PCDHB9: variants seen among roughly 807,000 people sequenced by gnomAD.
PCDHB9 encodes the protein protocadherin beta-9.
For missense variants in PCDHB9, 1,072 were observed against 995.1 expected (o/e 1.08, Z -1.04); for synonymous variants, 501 against 439.7 (o/e 1.14, Z -1.75).
rs782329349 is a variant in PCDHB9 at position 141,187,792 on chromosome 5, G to A, written c.474G>A (p.Gln158=). ...CAGCATTTAGACTAGAAAGAGCACA[G>A]GATCCAGATGAAGGTCATAACAGTA... ...EGTAFRLERA[Q]DPDEGHNSIQ... The change falls in exon 1 of 1, where the codon CAG becomes CAA. Residue 158 remains glutamine (Q), a synonymous_variant. Transcript: ENST00000316105. 2.1e-5 allele frequency: 34 copies of A among 1,614,030 alleles called. No individual in the cohort carries two copies. The highest frequency in any genetic ancestry group is 3.3e-4 in the Middle Eastern group (2 of 6,084).
chr5:141,188,889 T>G lies in PCDHB9; in HGVS notation c.1571T>G (p.Leu524Arg). The part of the protein sequence containing the change: ...FALRSLDYEA[L>R]QAFDFRVGAS... The stretch of plus-strand genomic sequence containing the variant: ...CTCAGGTCGCTGGACTACGAGGCCC[T>G]GCAGGCTTTCGACTTCCGCGTGGGC... Residue 524 changes from leucine (L) to arginine (R), a missense_variant, in exon 1 of 1, where the codon CTG (leucine) becomes CGG (arginine). Transcript: ENST00000316105. 1 of 1,612,592 alleles carries G rather than the reference T, an allele frequency of 6.2e-7. No homozygotes were observed. The highest frequency in any genetic ancestry group is 8.5e-7 in the Non-Finnish European group (1 of 1,179,914).
At position 141,189,502 on chromosome 5, in the gene PCDHB9, C is replaced by T; in HGVS notation, c.2184C>T (p.Pro728=). Residue 728 remains proline (P), a synonymous_variant, in exon 1 of 1, where the codon CCC becomes CCT. Transcript: ENST00000316105. ...CCTCGGTGGGTCGCTGCTCGGTGCC[C>T]GAGGGTCCTTTTCCAGGGCATCTGG... ...RAASVGRCSV[P]EGPFPGHLVD... 2 of 1,613,468 alleles carry T rather than the reference C, an allele frequency of 1.2e-6. No individual in the cohort carries two copies. The highest frequency in any genetic ancestry group is 2.2e-5 in the East Asian group (1 of 44,822).
rs782625963 is a variant in PCDHB9 at position 141,188,438 on chromosome 5, G to C, written c.1120G>C (p.Asp374His). 3.7e-6 allele frequency: 6 copies of C among 1,614,142 alleles called. No individual in the cohort carries two copies. The East Asian group carries it at 1.3e-4, about 36-fold the overall frequency. The change falls in exon 1 of 1, where the codon GAC becomes CAC. Residue 374 changes from aspartate to histidine, a missense_variant. Transcript: ENST00000316105. The stretch of plus-strand genomic sequence containing the variant: ...GGCTGTTTTTAAGATTAAAGACAGA[G>C]ACTCCGGAGAAAATGGAAAGACAAT... ...VLAVFKIKDRDSGENGKTICY... is the reference protein window; with the variant it reads ...VLAVFKIKDRHSGENGKTICY...
Position 141,188,461 on chromosome 5 carries a change from A to G in PCDHB9, c.1143A>G (p.Thr381=), listed in dbSNP as rs1282594806. ...KDRDSGENGK[T]ICYVQDNLPF... is the part of the protein sequence containing the mutation. ...GAGACTCCGGAGAAAATGGAAAGAC[A>G]ATTTGCTATGTTCAAGATAATCTGC... Residue 381 remains threonine, a synonymous_variant, in exon 1 of 1, where the codon ACA becomes ACG. Transcript: ENST00000316105. 28 of 1,614,006 alleles carry G rather than the reference A, an allele frequency of 1.7e-5. No homozygotes were observed. The highest frequency in any genetic ancestry group is 2.4e-5 in the Non-Finnish European group (28 of 1,180,016).
rs1196124640 is a variant in PCDHB9, at chr5:141,191,340, T to C, written c.*1628T>C. On this transcript the variant is annotated 3_prime_UTR_variant, in exon 1 of 1. Transcript: ENST00000316105. ...AAAGACACTAGAATGCTGTTCTTAA[T>C]TTTAATAGTGTTAAGATAGGTGTTA... 1 of 152,184 alleles carries C rather than the reference T, an allele frequency of 6.6e-6. No homozygotes were observed. Among genetic ancestry groups the C allele is most frequent in the Middle Eastern group, 3.2e-3 (1 of 316 alleles). 9.4% of individuals were successfully genotyped at this position (152,184 alleles called of 1,614,324 possible). A position where few individuals can be genotyped will look rare whatever the true frequency, so the allele number is the denominator to read the frequency against.
chr5:141,187,965 A>T lies in PCDHB9; in HGVS notation c.647A>T (p.Asp216Val), dbSNP rs1554282881. Reference sequence around the variant, plus strand: ...CTCAGCTTAACCCTCACAGCGCTGGATGGTGGGTCTCCATCCAGGTCTGGG... The same window carrying T: ...CTCAGCTTAACCCTCACAGCGCTGGTTGGTGGGTCTCCATCCAGGTCTGGG... Reference protein sequence around the residue: ...EELSLTLTALDGGSPSRSGTS... With the variant: ...EELSLTLTALVGGSPSRSGTS... The change falls in exon 1 of 1, where the codon GAT (aspartate) becomes GTT (valine). Residue 216 changes from aspartate to valine, a missense_variant. By Grantham distance (152) the Asp-to-Val change is radical. Transcript: ENST00000316105. The T allele has an allele frequency of 6.2e-7, 1 of 1,613,890 alleles. No homozygotes were observed. The highest frequency in any genetic ancestry group is 2.2e-5 in the East Asian group (1 of 44,868).
Position 141,189,155 on chromosome 5 carries a change from G to T in PCDHB9, c.1837G>T (p.Gly613Trp). Residue 613 changes from glycine (G) to tryptophan (W), a missense_variant, in exon 1 of 1, where the codon GGG becomes TGG. By Grantham distance (184) the Gly-to-Trp change is radical (BLOSUM62 -2). Coordinates refer to ENST00000316105, the MANE Select transcript of PCDHB9 (RefSeq NM_019119.5). ...CCAGCTGCTCAAGGCCACGGAGCCC[G>T]GGCTGTTCGGTGTGTGGGCGCACAA... ...SYQLLKATEP[G>W]LFGVWAHNGE... 2 of 1,601,436 alleles carry T rather than the reference G, an allele frequency of 1.2e-6. No homozygotes were observed. Among genetic ancestry groups the T allele is most frequent in the South Asian group, 1.1e-5 (1 of 90,900 alleles).
Position 141,188,428 on chromosome 5 carries a change from TAAAGACAGAGACTCCGGAGAAAATGG to T in PCDHB9, c.1118_1143del (p.Arg373AsnfsTer7). On this transcript the variant is annotated frameshift_variant, in exon 1 of 1. Transcript: ENST00000316105. LOFTEE classifies it low-confidence loss of function (END_TRUNC). ...GGATAGTATTGGCTGTTTTTAAGAT[TAAAGACAGAGACTCCGGAGAAAATGG>T]AAAGACAATTTGCTATGTTCAAGAT... is the stretch of plus-strand genomic sequence containing the variant. 6.2e-7 allele frequency: 1 copy of T among 1,614,184 alleles called. No homozygotes were observed.
In PCDHB9 at chr5:141,189,735, A is replaced by G. The variant is rs1448039684; in HGVS notation, c.*23A>G. The G allele has an allele frequency of 7.2e-6, 11 of 1,525,462 alleles. No homozygotes were observed. Among genetic ancestry groups the G allele is most frequent in the Non-Finnish European group, 8.0e-6 (9 of 1,131,400 alleles). The allele number at this position is 1,525,462 out of a possible 1,614,324, so 94.5% of individuals were successfully genotyped here. A position where few individuals can be genotyped will look rare whatever the true frequency, so the allele number is the denominator to read the frequency against. On this transcript the variant is annotated 3_prime_UTR_variant, in exon 1 of 1. Transcript: ENST00000316105. ...TGAAAGGAACCCACTTAATAAAGACATTTACTTCTTTAATATATTCTTGTT... is the reference window on the plus strand; with the variant it reads ...TGAAAGGAACCCACTTAATAAAGACGTTTACTTCTTTAATATATTCTTGTT...
At position 141,188,965 on chromosome 5, in the gene PCDHB9, A is replaced by G. The variant is rs17844531; in HGVS notation, c.1647A>G (p.Val549=). The G allele has an allele frequency of 3.1e-3, 4,946 of 1,604,422 alleles. 28 individuals are homozygous for G. The highest frequency in any genetic ancestry group is 7.4e-3 in the Admixed American group (439 of 59,500). The change falls in exon 1 of 1, where the codon GTA becomes GTG. Residue 549 remains valine, a synonymous_variant. Coordinates refer to ENST00000316105, the MANE Select transcript of PCDHB9 (RefSeq NM_019119.5). ...TGAGCAGCGAGGCGCTGGTGCGCGT[A>G]CTGGTGCTGGACGCCAACGACAACT... The part of the protein sequence containing the change: ...PALSSEALVR[V]LVLDANDNSP...
Position 141,188,262 on chromosome 5 carries a change from A to G in PCDHB9, c.944A>G (p.Tyr315Cys). Residue 315 changes from tyrosine (Y) to cysteine (C), a missense_variant, in exon 1 of 1, where the codon TAC (tyrosine) becomes TGC (cysteine). Physicochemically the swap from Tyr to Cys is radical, Grantham distance 194 (BLOSUM62 -2). Coordinates refer to ENST00000316105, the MANE Select transcript of PCDHB9 (RefSeq NM_019119.5). Reference sequence around the variant, plus strand: ...CTTGATTATGAGTTAGTAAATTCTTACAAAATAAATATACAGGCAATGGAC... The same window carrying G: ...CTTGATTATGAGTTAGTAAATTCTTGCAAAATAAATATACAGGCAATGGAC... The part of the protein sequence containing the change: ...ELLDYELVNS[Y>C]KINIQAMDGG... The G allele has an allele frequency of 1.9e-6, 3 of 1,614,078 alleles. No homozygotes were observed. Among genetic ancestry groups the G allele is most frequent in the South Asian group, 1.1e-5 (1 of 91,022 alleles).
rs782419413 is a variant in PCDHB9 at position 141,189,447 on chromosome 5, C to G, written c.2129C>G (p.Ala710Gly). Reference sequence around the variant, plus strand: ...CTCCTCTCGGTGCTCCTGTTCGTGGCGGTGCGGCTGTGCAGGAGGAGCAGG... The same window carrying G: ...CTCCTCTCGGTGCTCCTGTTCGTGGGGGTGCGGCTGTGCAGGAGGAGCAGG... ...LFLLSVLLFV[A>G]VRLCRRSRAA... Residue 710 changes from alanine to glycine, a missense_variant, in exon 1 of 1, where the codon GCG becomes GGG. Coordinates refer to ENST00000316105, the MANE Select transcript of PCDHB9 (RefSeq NM_019119.5). The G allele has an allele frequency of 6.2e-7, 1 of 1,612,170 alleles. No individual in the cohort carries two copies. Among genetic ancestry groups the G allele is most frequent in the Non-Finnish European group, 8.5e-7 (1 of 1,179,756 alleles).
At position 141,189,769 on chromosome 5, in the gene PCDHB9, A is replaced by C; in HGVS notation, c.*57A>C. 2.1e-6 allele frequency: 3 copies of C among 1,438,068 alleles called. No individual in the cohort carries two copies. Among genetic ancestry groups the C allele is most frequent in the Non-Finnish European group, 2.8e-6 (3 of 1,061,218 alleles). 89.1% of individuals were successfully genotyped at this position (1,438,068 alleles called of 1,614,324 possible). A position where few individuals can be genotyped will look rare whatever the true frequency, so the allele number is the denominator to read the frequency against. ...TTTAATATATTCTTGTTGGCTAACT[A>C]AATTGTGTATGCCCACCACAAAGAA... is the stretch of plus-strand genomic sequence containing the variant. On this transcript the variant is annotated 3_prime_UTR_variant, in exon 1 of 1. Transcript: ENST00000316105.
Position 141,188,191 on chromosome 5 carries a change from G to C in PCDHB9, c.873G>C (p.Thr291=), listed in dbSNP as rs782811539. Residue 291 remains threonine (T), a synonymous_variant, in exon 1 of 1, where the codon ACG becomes ACC. Transcript: ENST00000316105. Reference sequence around the variant, plus strand: ...ATGCTTCTGAAGATATTTTAACAACGTTTCAAATCAATCCTTTTTCTGGGG... The same window carrying C: ...ATGCTTCTGAAGATATTTTAACAACCTTTCAAATCAATCCTTTTTCTGGGG... ...FFDASEDILT[T]FQINPFSGEI... The C allele has an allele frequency of 1.6e-5, 25 of 1,611,234 alleles. No individual in the cohort carries two copies. Among genetic ancestry groups the C allele is most frequent in the Middle Eastern group, 1.6e-4 (1 of 6,082 alleles).
rs367831006 is a variant in PCDHB9, at chr5:141,189,693, G to T, written c.2375G>T (p.Ser792Ile). ...GAGGAAAATTCTACTCTCCCCAATA[G>T]CTTTGGATTTAATTATTGAAAGGAA... ...EIEENSTLPNSFGFNY is the reference protein window; with the variant it reads ...EIEENSTLPNIFGFNY The change falls in exon 1 of 1, where the codon AGC becomes ATC. Residue 792 changes from serine to isoleucine, a missense_variant. By Grantham distance (142) the Ser-to-Ile change is moderately radical (BLOSUM62 -2). Coordinates refer to ENST00000316105, the MANE Select transcript of PCDHB9 (RefSeq NM_019119.5). The T allele has an allele frequency of 2.5e-6, 4 of 1,588,404 alleles. No homozygotes were observed. Among genetic ancestry groups the T allele is most frequent in the Middle Eastern group, 1.7e-4 (1 of 5,940 alleles).
chr5:141,189,048 C>A lies in PCDHB9; in HGVS notation c.1730C>A (p.Pro577His). 1 of 1,607,772 alleles carries A rather than the reference C, an allele frequency of 6.2e-7. No homozygotes were observed. The highest frequency in any genetic ancestry group is 8.5e-7 in the Non-Finnish European group (1 of 1,179,146). Residue 577 changes from proline to histidine, a missense_variant, in exon 1 of 1, where the codon CCC becomes CAC. Physicochemically the swap from Pro to His is moderately conservative, Grantham distance 77. Transcript: ENST00000316105. ...TCCGCGCCCTGCACCGAGCTGGTGC[C>A]CCGGGCGGCCGAGCCGGGCTACCTG... ...NGSAPCTELV[P>H]RAAEPGYLVT...
chr5:141,188,556 G>C lies in PCDHB9; in HGVS notation c.1238G>C (p.Ser413Thr), dbSNP rs782405854. The C allele has an allele frequency of 6.2e-7, 1 of 1,614,168 alleles. No individual in the cohort carries two copies. The highest frequency in any genetic ancestry group is 8.5e-7 in the Non-Finnish European group (1 of 1,180,038). Residue 413 changes from serine (S) to threonine (T), a missense_variant, in exon 1 of 1, where the codon AGC becomes ACC. Physicochemically the swap from Ser to Thr is moderately conservative, Grantham distance 58. Transcript: ENST00000316105. ...ACTGAAGGTGCACTGGACAGAGAGA[G>C]CAAAGCTGAGTACAACATCACCATC... is the stretch of plus-strand genomic sequence containing the variant. ...LMTEGALDRE[S>T]KAEYNITITV...
chr5:141,189,953 G>T lies in PCDHB9; in HGVS notation c.*241G>T, dbSNP rs1458835919. The T allele has an allele frequency of 7.5e-6, 3 of 398,680 alleles. No individual in the cohort carries two copies. The highest frequency in any genetic ancestry group is 4.2e-5 in the Admixed American group (1 of 24,000). The allele number at this position is 398,680 out of a possible 1,614,324, so 24.7% of individuals were successfully genotyped here. Reference sequence around the variant, plus strand: ...AAGTTGATATCATTTAAAAATTTTTGGTCGTTTTAAATGTCTTTATTGACT... The same window carrying T: ...AAGTTGATATCATTTAAAAATTTTTTGTCGTTTTAAATGTCTTTATTGACT... On this transcript the variant is annotated 3_prime_UTR_variant, in exon 1 of 1. Coordinates refer to ENST00000316105, the MANE Select transcript of PCDHB9 (RefSeq NM_019119.5).
Position 141,187,397 on chromosome 5 carries a change from G to C in PCDHB9, c.79G>C (p.Gly27Arg). The change falls in exon 1 of 1, where the codon GGT (glycine) becomes CGT (arginine). Residue 27 changes from glycine (G) to arginine (R), a missense_variant. Coordinates refer to ENST00000316105, the MANE Select transcript of PCDHB9 (RefSeq NM_019119.5). ...TCTTTTCTGGGGAGTGTCCTTGGCA[G>C]GTTCTGGGTTTGGACGTTATTCGGT... ...LFLFWGVSLA[G>R]SGFGRYSVTE... 1 of 1,614,154 alleles carries C rather than the reference G, an allele frequency of 6.2e-7. No individual in the cohort carries two copies. The highest frequency in any genetic ancestry group is 1.7e-5 in the Admixed American group (1 of 60,020).
Sources: allele counts gnomAD v4.1 joint callset, GRCh38; gene constraint gnomAD v4.1.1; transcripts MANE v1.5; gene names NCBI Gene and HGNC (gene_info 2026-07-23, HGNC 2026-07-21).